The following IMMP2L variants were observed in gnomAD, a reference collection of about 807,000 sequenced individuals.
IMMP2L encodes the protein inner mitochondrial membrane peptidase subunit 2.
Under a neutral mutation model 19.3 loss-of-function variants are expected in IMMP2L, and 18 were observed. That is an observed-to-expected ratio of 0.93 (90% confidence interval 0.64 to 1.38). The LOEUF (loss-of-function observed/expected upper bound fraction) is 1.38. Ranked by LOEUF, IMMP2L falls within the 40% of genes most tolerant of loss-of-function variation. The pLI, the probability that IMMP2L is intolerant of heterozygous loss-of-function variation, is 0.00. For missense variants in IMMP2L, 233 were observed against 218.2 expected (o/e 1.07, Z -0.43); for synonymous variants, 76 against 73.0 (o/e 1.04, Z -0.21).
intron 5 of IMMP2L, among the ~76,000 whole-genome samples, chr7:110,880,791 T>C (rs891711154): frequency 2.0e-5 from 3 of 152,128 alleles, no homozygotes; most frequent in Admixed American, 6.6e-5. Flanking sequence ...TATATATTTC[T>C]AATAAAATGA....
chr7:111,408,556 G>A (rs1049998337), intron 3 of IMMP2L, among the ~76,000 whole-genome samples: 1 of 151,710 alleles, frequency 6.6e-6, no homozygotes, highest in Admixed American at 6.6e-5. Context: ...TTTTGTTCCT[G>A]TAACTGAAAT....
chr7:110,675,342 G>A (rs115946698), intron 5 of IMMP2L, among the ~76,000 whole-genome samples: 1 of 152,138 alleles, frequency 6.6e-6, no homozygotes, highest in African/African-American at 2.4e-5. Context: ...GAGCACAGTA[G>A]TGGCTACATC....
intron 3 of IMMP2L, among the ~76,000 whole-genome samples, chr7:111,293,234 T>G (rs963085343): frequency 6.6e-6 from 1 of 152,040 alleles, no homozygotes; most frequent in African/African-American, 2.4e-5. Context: ...AGTATTTTAT[T>G]TTAGAAAAGA....
chr7:111,192,681 A>G (rs1809022177), intron 3 of IMMP2L, among the ~76,000 whole-genome samples: 2 of 152,148 alleles, frequency 1.3e-5, no homozygotes, highest in African/African-American at 4.8e-5. Flanking sequence ...GAGAAACCCA[A>G]ACAAGAGCTC....
At chr7:111,195,895 T>C (rs1809438909) in intron 3 of IMMP2L, among the ~76,000 whole-genome samples, 1 of 139,726 alleles carries the variant, frequency 7.2e-6, no homozygotes, top group Non-Finnish European at 1.6e-5. Flanking sequence ...TTATTTTATT[T>C]TTGCTCTATC....
chr7:111,252,063 C>T (rs1353664363), intron 3 of IMMP2L, among the ~76,000 whole-genome samples: 2 of 151,588 alleles, frequency 1.3e-5, no homozygotes, highest in Non-Finnish European at 2.9e-5. Flanking sequence ...TTGCTTTAAC[C>T]AAGTAAAAAG....
chr7:111,177,190 T>C (rs1395256336), intron 3 of IMMP2L, among the ~76,000 whole-genome samples: 1 of 152,106 alleles, frequency 6.6e-6, no homozygotes, highest in South Asian at 2.1e-4. Context: ...TTTTTGTTTT[T>C]ATTTTTGAAG....
At chr7:110,972,315 T>C (rs1192037756) in intron 3 of IMMP2L, among the ~76,000 whole-genome samples, 1 of 152,148 alleles carries the variant, frequency 6.6e-6, no homozygotes. Flanking sequence ...TTTTTCTATA[T>C]ATTTAATTTT....
intron 5 of IMMP2L, among the ~76,000 whole-genome samples, chr7:110,748,359 G>A (rs1797498978): frequency 6.6e-6 from 1 of 152,076 alleles, no homozygotes; most frequent in African/African-American, 2.4e-5. Flanking sequence ...TCCTGATCAA[G>A]CTACCATTGA....
intron 3 of IMMP2L, among the ~76,000 whole-genome samples, chr7:111,099,371 A>C (rs1797732123): frequency 6.6e-6 from 1 of 151,746 alleles, no homozygotes; most frequent in East Asian, 1.9e-4. Flanking sequence ...TTTTCAATGA[A>C]ATTCATCAAT....
rs570146965 is a variant in IMMP2L, at chr7:111,024,367, G to A, written c.240-60802C>T. On this transcript the variant is annotated intron_variant, in intron 3 of 5. Coordinates refer to ENST00000405709, the MANE Select transcript of IMMP2L (RefSeq NM_032549.4). ...TTGAGGGGGCAGATCTCTAGAGGAG[G>A]CTCTCTGGGCAGCCCTTTTCTCTAT... 1.5e-4 allele frequency among the ~76,000 whole-genome samples: 23 copies of A among 152,240 alleles called. No homozygotes were observed. The South Asian group carries it at 4.6e-3, about 30-fold the overall frequency.
At chr7:110,987,595 T>C (rs1821993045) in intron 3 of IMMP2L, among the ~76,000 whole-genome samples, 1 of 152,174 alleles carries the variant, frequency 6.6e-6, no homozygotes, top group Non-Finnish European at 1.5e-5. Context: ...TATGGGAAAT[T>C]AAACTTTGGA....
chr7:111,335,702 T>C (rs576725146), intron 3 of IMMP2L, among the ~76,000 whole-genome samples: 1 of 152,084 alleles, frequency 6.6e-6, no homozygotes, highest in South Asian at 2.1e-4. Flanking sequence ...AAAGAATGAG[T>C]TTGAGCTACA....
Position 111,217,917 on chromosome 7 carries a change from C to T in IMMP2L, c.240-254352G>A, listed in dbSNP as rs190652258. The stretch of plus-strand genomic sequence containing the variant: ...ATCTCTACTATGAATTGAAAGTCTT[C>T]GGTATCTCTCTGGAGGTGGGTGTTA... On this transcript the variant is annotated intron_variant, in intron 3 of 5. Transcript: ENST00000405709. 1.6e-3 allele frequency among the ~76,000 whole-genome samples: 245 copies of T among 152,044 alleles called. 3 individuals carry two copies. Among genetic ancestry groups the T allele is most frequent in the African/African-American group, 5.5e-3 (230 of 41,484 alleles).
intron 5 of IMMP2L, among the ~76,000 whole-genome samples, chr7:110,813,436 T>C (rs538352943): frequency 2.2e-4 from 33 of 151,808 alleles, no homozygotes; most frequent in Non-Finnish European, 3.2e-4. Flanking sequence ...TTCTTTCTTT[T>C]TTTTTTTTTG....
rs138999630 is a variant in IMMP2L, at chr7:111,075,714, T to C, written c.240-112149A>G. Reference sequence around the variant, plus strand: ...CCCGAGGTCAGACTCTCAGGACTTCTTGTCTCTGTGTACACTTTTTCCCCA... The same window carrying C: ...CCCGAGGTCAGACTCTCAGGACTTCCTGTCTCTGTGTACACTTTTTCCCCA... On this transcript the variant is annotated intron_variant, in intron 3 of 5. Transcript: ENST00000405709. Among the ~76,000 whole-genome samples the C allele has an allele frequency of 3.3e-3, 503 of 152,254 alleles. 1 individual carries two copies. The highest frequency in any genetic ancestry group is 0.011 in the African/African-American group (451 of 41,556).
chr7:111,393,531 A>C (rs1832589246), intron 3 of IMMP2L, among the ~76,000 whole-genome samples: 1 of 152,194 alleles, frequency 6.6e-6, no homozygotes, highest in Admixed American at 6.5e-5. Flanking sequence ...GAATATCTGC[A>C]GTCTGTAAAC....
chr7:110,934,612 CTAT>C (rs1463313717), intron 4 of IMMP2L, among the ~76,000 whole-genome samples: 1 of 152,014 alleles, frequency 6.6e-6, no homozygotes, highest in Non-Finnish European at 1.5e-5. Context: ...AAGTCTTCTA[CTAT>C]TATTGTGTGG....
At chr7:111,256,180 GT>G (rs1816678471) in intron 3 of IMMP2L, among the ~76,000 whole-genome samples, 1 of 151,772 alleles carries the variant, frequency 6.6e-6, no homozygotes, top group African/African-American at 2.4e-5. Context: ...CTTTTTCCTT[GT>G]TTTAAAGTGC....
Sources: allele counts gnomAD v4.1 joint callset (sites outside exome capture counted in the v4.1 genomes callset), GRCh38; gene constraint gnomAD v4.1.1; transcripts MANE v1.5; gene names NCBI Gene and HGNC (gene_info 2026-07-23, HGNC 2026-07-21).